Variants in TBC1D19 observed in about 807,000 individuals in gnomAD.
TBC1D19 encodes TBC1 domain family member 19.
A neutral mutation model predicts 89.0 loss-of-function variants in TBC1D19; 60 were observed. The ratio of observed to expected loss-of-function variants is 0.67; its 90% CI spans 0.55 to 0.84. TBC1D19 has a LOEUF of 0.84. Ranked by LOEUF, TBC1D19 falls within the 40% of genes least tolerant of loss-of-function variation. The pLI, the probability that TBC1D19 is intolerant of heterozygous loss-of-function variation, is 0.00. For synonymous variants in TBC1D19, 189 were observed against 199.7 expected (o/e 0.95, Z 0.45); for missense variants, 500 against 610.8 (o/e 0.82, Z 1.91).
chr4:26,682,620 C>T (rs1290082688), intron 11 of TBC1D19, among the ~76,000 whole-genome samples: 1 of 152,158 alleles, frequency 6.6e-6, no homozygotes, highest in Non-Finnish European at 1.5e-5. Context: ...GAGGCTAGGG[C>T]TAAAGTGCCT....
chr4:26,731,543 C>A (rs1717662774), intron 15 of TBC1D19, among the ~76,000 whole-genome samples: 1 of 151,986 alleles, frequency 6.6e-6, no homozygotes, highest in Non-Finnish European at 1.5e-5. Context: ...AAAATAGAGA[C>A]CAGAAGGAGC....
At chr4:26,625,806 A>G (rs1485457909) in intron 4 of TBC1D19, among the ~76,000 whole-genome samples, 1 of 152,150 alleles carries the variant, frequency 6.6e-6, no homozygotes, top group Admixed American at 6.6e-5. Flanking sequence ...GTAAAGTGCC[A>G]TTTACATTTA....
chr4:26,627,951 A>G (rs1364712663), intron 4 of TBC1D19, among the ~76,000 whole-genome samples: 3 of 152,128 alleles, frequency 2.0e-5, no homozygotes, highest in Non-Finnish European at 4.4e-5. Flanking sequence ...TTAGACCTGA[A>G]GTCTTTGCCC....
In TBC1D19 at chr4:26,752,267, C is replaced by T. The variant is rs571580624; in HGVS notation, c.1436-1553C>T. ...TCTTTTTTTTTTTTTTTTTTTGAGA[C>T]GAGGTCTTGCTGTGTTACCCAGGCT... On this transcript the variant is annotated intron_variant, in intron 19 of 20. Coordinates refer to ENST00000264866, the MANE Select transcript of TBC1D19 (RefSeq NM_018317.4). Among the ~76,000 whole-genome samples the T allele has an allele frequency of 5.4e-4, 69 of 128,260 alleles. 2 individuals are homozygous for T. In the South Asian group the frequency reaches 0.016, roughly 29 times the overall value. The allele number at this position is 128,260 out of a possible 152,430, so 84.1% of individuals were successfully genotyped here.
chr4:26,851,315 A>ATCTATCTATCTG, the TBC1D19 span, among the ~76,000 whole-genome samples: 897 of 143,304 alleles, frequency 6.3e-3, 18 homozygotes, highest in Admixed American at 0.033. Context: ...CTATCTATCT[A>ATCTATCTATCTG]TCTATCTATC....
the TBC1D19 span, among the ~76,000 whole-genome samples, chr4:26,847,100 G>T: frequency 1.3e-5 from 2 of 152,156 alleles, no homozygotes; most frequent in Non-Finnish European, 2.9e-5. Flanking sequence ...TTGAATCTAT[G>T]TGTTCAGTCA....
rs56762622 is a variant in TBC1D19 at position 26,656,958 on chromosome 4, T to TTTCTTC, written c.481-2610_481-2605dup. ...GGTTTAGAGGAGATGCCCTGCAATC[T>TTTCTTC]TTCTTCTTCTTCTTCTTCTTCTTCT... On this transcript the variant is annotated intron_variant, in intron 7 of 20. Transcript: ENST00000264866. Among the ~76,000 whole-genome samples, 39 of 47,860 alleles carry TTTCTTC rather than the reference T, an allele frequency of 8.1e-4. 1 individual carries two copies. Among genetic ancestry groups the TTTCTTC allele is most frequent in the African/African-American group, 2.8e-3 (35 of 12,694 alleles). 31.4% of individuals were successfully genotyped at this position (47,860 alleles called of 152,430 possible).
chr4:26,627,313 A>G (rs1453106153), intron 4 of TBC1D19, among the ~76,000 whole-genome samples: 2 of 152,122 alleles, frequency 1.3e-5, no homozygotes, highest in Non-Finnish European at 2.9e-5. Context: ...GGTTGGTTCT[A>G]AGTCTTTGCT....
intron 13 of TBC1D19, among the ~76,000 whole-genome samples, chr4:26,704,061 A>C (rs934757569): frequency 6.6e-6 from 1 of 152,190 alleles, no homozygotes; most frequent in African/African-American, 2.4e-5. Flanking sequence ...TAAATTTTAC[A>C]GGCAACAATG....
chr4:26,624,959 G>T (rs1294803126), intron 4 of TBC1D19, among the ~76,000 whole-genome samples: 1 of 151,994 alleles, frequency 6.6e-6, no homozygotes, highest in African/African-American at 2.4e-5. Flanking sequence ...CCTTTTTAAT[G>T]AAAAAGAAGC....
intron 1 of TBC1D19, among the ~76,000 whole-genome samples, chr4:26,605,221 A>G (rs1171478418): frequency 1.9e-5 from 2 of 102,894 alleles, no homozygotes; most frequent in Non-Finnish European, 3.7e-5. Flanking sequence ...ACCCCACAAC[A>G]GTCCCCGGAG....
chr4:26,819,978 A>G, the TBC1D19 span, among the ~76,000 whole-genome samples: 1 of 152,120 alleles, frequency 6.6e-6, no homozygotes, highest in African/African-American at 2.4e-5. Context: ...ACCCCTTCTC[A>G]GTGAGGCCTT....
downstream of TBC1D19, among the ~76,000 whole-genome samples, chr4:26,760,777 C>T (rs1719433400): frequency 3.3e-5 from 5 of 151,918 alleles, no homozygotes; most frequent in Admixed American, 3.3e-4. Context: ...TTTTTGCTTC[C>T]TCTCCAAGAA....
Position 26,683,741 on chromosome 4 carries a change from A to G in TBC1D19, c.883A>G (p.Ile295Val), listed in dbSNP as rs113170760. 2.5e-6 allele frequency: 4 copies of G among 1,611,366 alleles called. No homozygotes were observed. The African/African-American group carries it at 5.3e-5, about 21-fold the overall frequency. Residue 295 changes from isoleucine to valine, a missense_variant, in exon 12 of 21, where the codon ATC becomes GTC. Physicochemically the swap from Ile to Val is conservative, Grantham distance 29. Transcript: ENST00000264866. ...IQHDLLVDSL[I>V]YKDVKLTASN... Reference sequence around the variant, plus strand: ...ACATGACCTTTTGGTGGACAGTCTAATCTATAAAGTAAGTAAAAGTCAGCT... The same window carrying G: ...ACATGACCTTTTGGTGGACAGTCTAGTCTATAAAGTAAGTAAAAGTCAGCT...
At chr4:26,803,946 A>G in the TBC1D19 span, among the ~76,000 whole-genome samples, 2 of 151,948 alleles carry the variant, frequency 1.3e-5, no homozygotes, top group Non-Finnish European at 2.9e-5. Context: ...GAGGTAGGAA[A>G]GAGGGAATTT....
chr4:26,656,186 A>T (rs1045379655), intron 7 of TBC1D19, among the ~76,000 whole-genome samples: 1 of 152,158 alleles, frequency 6.6e-6, no homozygotes, highest in African/African-American at 2.4e-5. Context: ...TACAGCAATA[A>T]CTACTCTTTT....
chr4:26,777,900 A>G, the TBC1D19 span, among the ~76,000 whole-genome samples: 1 of 151,812 alleles, frequency 6.6e-6, no homozygotes. Context: ...GGGAAACATA[A>G]TAAGACGCTG....
chr4:26,650,166 A>AT (rs1744263498), intron 7 of TBC1D19, among the ~76,000 whole-genome samples: 1 of 151,950 alleles, frequency 6.6e-6, no homozygotes, highest in Non-Finnish European at 1.5e-5. Flanking sequence ...AGTGCCGCAG[A>AT]AAACATACGT....
chr4:26,808,727 C>CAAAA, the TBC1D19 span, among the ~76,000 whole-genome samples: 2 of 95,046 alleles, frequency 2.1e-5, no homozygotes, highest in Non-Finnish European at 4.0e-5. Context: ...GACTCTGTCT[C>CAAAA]AAAAAAAAAA....
Sources: allele counts gnomAD v4.1 joint callset (sites outside exome capture counted in the v4.1 genomes callset), GRCh38; gene constraint gnomAD v4.1.1; transcripts MANE v1.5; gene names NCBI Gene and HGNC (gene_info 2026-07-23, HGNC 2026-07-21).